The following GNG7 variants were observed in gnomAD, a reference collection of about 807,000 sequenced individuals.
The protein encoded by GNG7 is guanine nucleotide-binding protein G(I)/G(S)/G(O) subunit gamma-7.
GNG7 carries 1 observed loss-of-function variant against 4.0 expected under a neutral mutation model. The observed-to-expected ratio is 0.25, with a 90% CI of 0.09 to 1.18. GNG7 has a LOEUF of 1.18. GNG7 is among the 50% of genes most tolerant of loss of function. The pLI is 0.50. For synonymous variants in GNG7, 34 were observed against 36.9 expected, an observed-to-expected ratio of 0.92 and a Z score of 0.29; for missense variants, 86 against 91.9, an observed-to-expected ratio of 0.94 and a Z score of 0.26.
At chr19:2,544,782 G>T (rs1979071528) in intron 3 of GNG7, among the ~76,000 whole-genome samples, 1 of 152,134 alleles carries the variant, frequency 6.6e-6, no homozygotes, top group Non-Finnish European at 1.5e-5. Context: ...CGGGGTTGGG[G>T]GAGCTCCTGG....
chr19:2,523,324 C>A (rs997392489), intron 3 of GNG7, among the ~76,000 whole-genome samples: 1 of 151,332 alleles, frequency 6.6e-6, no homozygotes, highest in Non-Finnish European at 1.5e-5. Context: ...GGCTGAGATG[C>A]GAGGATCACT....
chr19:2,637,436 G>T lies in GNG7; in HGVS notation c.-78+8788C>A, dbSNP rs544706981. 7.9e-5 allele frequency among the ~76,000 whole-genome samples: 12 copies of T among 152,180 alleles called. 3 individuals carry two copies. Among genetic ancestry groups the T allele is most frequent in the Admixed American group, 7.8e-4 (12 of 15,294 alleles). On this transcript the variant is annotated intron_variant, in intron 2 of 4. Coordinates refer to ENST00000382159, the MANE Select transcript of GNG7 (RefSeq NM_052847.3). ...CCCTCACAGCCTCGCTCTCCTCCCC[G>T]TCCGTCCTTGTAGGGAGGTGAGTTT...
intron 2 of GNG7, among the ~76,000 whole-genome samples, chr19:2,556,476 C>T (rs1231559095): frequency 1.3e-5 from 2 of 152,242 alleles, no homozygotes; most frequent in Admixed American, 6.5e-5. Context: ...CCGTCACAAA[C>T]ATTTGCTATT....
intron 3 of GNG7, chr19:2,538,624 C>T (rs1029401738): frequency 6.9e-6 from 3 of 436,372 alleles, no homozygotes; most frequent in South Asian, 3.3e-5. Flanking sequence ...GAGCAAGACC[C>T]TGTCTTTAAA....
At chr19:2,522,447 CA>C (rs1978314593) in intron 3 of GNG7, among the ~76,000 whole-genome samples, 1 of 152,068 alleles carries the variant, frequency 6.6e-6, no homozygotes, top group African/African-American at 2.4e-5. Flanking sequence ...AGGCAGATTC[CA>C]GAGTTCTCAA....
At chr19:2,612,161 G>C (rs1053514980) in intron 2 of GNG7, among the ~76,000 whole-genome samples, 4 of 152,064 alleles carry the variant, frequency 2.6e-5, no homozygotes, top group African/African-American at 9.7e-5. Flanking sequence ...GTGTGAGCCA[G>C]CGCGCCCGGC....
At chr19:2,670,484 C>T (rs929723391) in intron 1 of GNG7, among the ~76,000 whole-genome samples, 9 of 152,262 alleles carry the variant, frequency 5.9e-5, no homozygotes, top group African/African-American at 4.8e-5. Flanking sequence ...AGCCTCCAGA[C>T]GGTCAGACTT....
intron 2 of GNG7, chr19:2,632,200 C>G (rs1353835524): frequency 2.6e-5 from 4 of 152,228 alleles, no homozygotes; most frequent in Non-Finnish European, 5.9e-5. Context: ...GAGGCAGAGG[C>G]AGGTGGATCA....
intron 1 of GNG7, among the ~76,000 whole-genome samples, chr19:2,687,285 C>T (rs1188647963): frequency 1.3e-5 from 2 of 152,080 alleles, no homozygotes; most frequent in African/African-American, 4.8e-5. Flanking sequence ...GTCTCAAGCT[C>T]CTGGGCTCAA....
intron 3 of GNG7, among the ~76,000 whole-genome samples, chr19:2,533,640 T>C (rs1264987534): frequency 1.3e-5 from 2 of 152,112 alleles, no homozygotes; most frequent in Admixed American, 6.6e-5. Flanking sequence ...AGCAATTAGG[T>C]GGACCCAGTG....
intron 3 of GNG7, among the ~76,000 whole-genome samples, chr19:2,550,669 G>C (rs1979288320): frequency 6.6e-6 from 1 of 152,144 alleles, no homozygotes; most frequent in African/African-American, 2.4e-5. Flanking sequence ...CTGCTCTGTG[G>C]CAAGTCTCGT....
chr19:2,616,105 T>C (rs1384760863), intron 2 of GNG7, among the ~76,000 whole-genome samples: 1 of 152,112 alleles, frequency 6.6e-6, no homozygotes, highest in Non-Finnish European at 1.5e-5. Context: ...CTGCCCAGCA[T>C]TGATTAAACA....
rs369157006 is a variant in GNG7 at position 2,672,781 on chromosome 19, A to T, written c.-134-26501T>A. Among the ~76,000 whole-genome samples the T allele has an allele frequency of 1.9e-4, 29 of 152,136 alleles. No homozygotes were observed. The East Asian group carries it at 4.5e-3, about 23-fold the overall frequency. ...GATTTTTAAATGCTGGCAATAATTC[A>T]AAGTTTAAAGCCACTGGGTTCTACC... On this transcript the variant is annotated intron_variant, in intron 1 of 4. Transcript: ENST00000382159.
intron 2 of GNG7, among the ~76,000 whole-genome samples, chr19:2,592,455 C>A: frequency 6.6e-6 from 1 of 152,050 alleles, no homozygotes; most frequent in East Asian, 1.9e-4. Flanking sequence ...TGAACAAAGG[C>A]CAGGTGCAGT....
intron 1 of GNG7, among the ~76,000 whole-genome samples, chr19:2,668,388 G>T (rs149207580): frequency 0.015 from 2,312 of 152,146 alleles, 34 homozygotes; most frequent in Middle Eastern, 0.037. Context: ...AACGGGATAT[G>T]CAAATTGGCA....
In GNG7 at chr19:2,656,348, C is replaced by A. The variant is rs534025512; in HGVS notation, c.-134-10068G>T. Among the ~76,000 whole-genome samples, 760 of 152,206 alleles carry A rather than the reference C, an allele frequency of 5.0e-3. 4 individuals are homozygous for A. Among genetic ancestry groups the A allele is most frequent in the Middle Eastern group, 0.014 (4 of 294 alleles). On this transcript the variant is annotated intron_variant, in intron 1 of 4. Transcript: ENST00000382159. Reference sequence around the variant, plus strand: ...GCCGGGTGCGGTGGCTCACGCCTGTCATCCCAGCACTTTGGGAGGCCAAGG... The same window carrying A: ...GCCGGGTGCGGTGGCTCACGCCTGTAATCCCAGCACTTTGGGAGGCCAAGG...
At position 2,512,869 on chromosome 19, in the gene GNG7, T is replaced by C. The variant is rs1972675083; in HGVS notation, c.*2153A>G. The C allele has an allele frequency of 1.0e-6, 1 of 981,474 alleles. No individual in the cohort carries two copies. Among genetic ancestry groups the C allele is most frequent in the South Asian group, 4.7e-5 (1 of 21,200 alleles). 60.8% of individuals were successfully genotyped at this position (981,474 alleles called of 1,614,324 possible). A position where few individuals can be genotyped will look rare whatever the true frequency, so the allele number is the denominator to read the frequency against. ...CCAGGGTCTCTGGAACAGGCTTTTG[T>C]CCCTTCCTGCCATTCCTGCTATGCG... On this transcript the variant is annotated 3_prime_UTR_variant, in exon 5 of 5. Transcript: ENST00000382159. This position sits in a 1 kb window ranked among gnomAD's most constrained non-coding sequence, Gnocchi z 4.7.
rs1184721208 is a variant in GNG7, at chr19:2,657,362, ATATATATAT to A, written c.-134-11091_-134-11083del. Among the ~76,000 whole-genome samples, 58 of 10,758 alleles carry A rather than the reference ATATATATAT, an allele frequency of 5.4e-3. 7 individuals are homozygous for A. Among genetic ancestry groups the A allele is most frequent in the East Asian group, 0.015 (1 of 66 alleles). The allele number at this position is 10,758 out of a possible 152,430, so 7.1% of individuals were successfully genotyped here. A position where few individuals can be genotyped will look rare whatever the true frequency, so the allele number is the denominator to read the frequency against. On this transcript the variant is annotated intron_variant, in intron 1 of 4. Transcript: ENST00000382159. Reference sequence around the variant, plus strand: ...TAAAAAAAAAAAAAAAAAAAAAAAAATATATATATATATATATATATATATATATATATA... The same window carrying A: ...TAAAAAAAAAAAAAAAAAAAAAAAAAATATATATATATATATATATATATA...
At chr19:2,540,150 T>C (rs1238660934) in intron 3 of GNG7, among the ~76,000 whole-genome samples, 1 of 148,964 alleles carries the variant, frequency 6.7e-6, no homozygotes, top group Non-Finnish European at 1.5e-5. Context: ...CTCTCTCTCT[T>C]TCTTTCTTTT....
Sources: gnomAD v4.1 joint callset for allele counts (sites outside exome capture counted in the v4.1 genomes callset) on GRCh38, gnomAD v4.1.1 for gene constraint, Gnocchi (gnomAD v3.1) non-coding constraint, MANE v1.5 for transcripts, NCBI Gene and HGNC (gene_info 2026-07-23, HGNC 2026-07-21) for gene names.